The following PPFIBP1 variants were observed in gnomAD, a reference collection of about 807,000 sequenced individuals.
PPFIBP1 encodes the protein PPFIB scaffold protein 1, also known as liprin-beta-1.
Under a neutral mutation model 137.8 loss-of-function variants are expected in PPFIBP1, and 112 were observed. The ratio of observed to expected loss-of-function variants is 0.81; its 90% CI spans 0.70 to 0.95. The LOEUF (loss-of-function observed/expected upper bound fraction) is 0.95. Ranked by LOEUF, PPFIBP1 falls within the 40% of genes least tolerant of loss-of-function variation. PPFIBP1 has a pLI of 0.00. For missense variants in PPFIBP1, 1,083 were observed against 1,196.6 expected, an observed-to-expected ratio of 0.91 and a Z score of 1.40; for synonymous variants, 378 against 417.3, an observed-to-expected ratio of 0.91 and a Z score of 1.15.
At chr12:27,558,212 A>G (rs1317206852) in intron 1 of PPFIBP1, among the ~76,000 whole-genome samples, 7 of 151,326 alleles carry the variant, frequency 4.6e-5, no homozygotes, top group Admixed American at 3.3e-4. Flanking sequence ...ATGCTCACAT[A>G]TTCTCTTTCT....
chr12:27,611,840 G>A (rs1326977056), intron 2 of PPFIBP1, among the ~76,000 whole-genome samples: 1 of 150,716 alleles, frequency 6.6e-6, no homozygotes, highest in African/African-American at 2.4e-5. Context: ...GAGTCATTAG[G>A]CCAAAAAATG....
chr12:27,613,775 C>T (rs1414613608), intron 2 of PPFIBP1, among the ~76,000 whole-genome samples: 1 of 151,868 alleles, frequency 6.6e-6, no homozygotes, highest in Non-Finnish European at 1.5e-5. Context: ...TTCAGTAGTT[C>T]TTTGGCCCTT....
chr12:27,559,760 T>C (rs1012667612), intron 1 of PPFIBP1, among the ~76,000 whole-genome samples: 3 of 152,164 alleles, frequency 2.0e-5, no homozygotes, highest in Non-Finnish European at 4.4e-5. Flanking sequence ...GCTCCTCTCC[T>C]TCCAGACACA....
chr12:27,649,195 A>C (rs565336089), intron 6 of PPFIBP1, among the ~76,000 whole-genome samples: 5 of 152,316 alleles, frequency 3.3e-5, no homozygotes, highest in East Asian at 3.9e-4. Flanking sequence ...TGGAGTATGC[A>C]CTTGAGCAAA....
At chr12:27,589,497 A>G (rs1478987195) in intron 2 of PPFIBP1, among the ~76,000 whole-genome samples, 5 of 152,198 alleles carry the variant, frequency 3.3e-5, no homozygotes, top group Non-Finnish European at 5.9e-5. Context: ...TCCTATTTTA[A>G]AATACTTCGT....
chr12:27,583,593 G>A (rs2051370575), intron 2 of PPFIBP1, among the ~76,000 whole-genome samples: 1 of 152,172 alleles, frequency 6.6e-6, no homozygotes, highest in African/African-American at 2.4e-5. Context: ...GGCCTGCTGT[G>A]TGGTTGGGAT....
At chr12:27,540,429 C>T (rs1185843534) in intron 1 of PPFIBP1, among the ~76,000 whole-genome samples, 1 of 150,184 alleles carries the variant, frequency 6.7e-6, no homozygotes, top group East Asian at 2.0e-4. Flanking sequence ...TCATCAGCAT[C>T]AGTGATTCTT....
chr12:27,566,594 G>A (rs185025814), intron 1 of PPFIBP1, among the ~76,000 whole-genome samples: 4 of 152,258 alleles, frequency 2.6e-5, no homozygotes, highest in East Asian at 1.9e-4. Flanking sequence ...TTTTAATTAC[G>A]GATAACAACT....
chr12:27,630,543 T>TA (rs1193693419), intron 2 of PPFIBP1, among the ~76,000 whole-genome samples: 1 of 152,172 alleles, frequency 6.6e-6, no homozygotes, highest in Non-Finnish European at 1.5e-5. Context: ...AATTAGGACT[T>TA]AAAAAACTAA....
chr12:27,558,256 G>GTTTTTTT (rs11434356), intron 1 of PPFIBP1, among the ~76,000 whole-genome samples: 3 of 139,330 alleles, frequency 2.2e-5, no homozygotes, highest in African/African-American at 8.2e-5. Context: ...GACCTTCTGG[G>GTTTTTTT]TTTTTTTTTT....
chr12:27,599,392 A>C (rs184073227), intron 2 of PPFIBP1: 23 of 452,170 alleles, frequency 5.1e-5, no homozygotes, highest in African/African-American at 4.6e-4. Context: ...TCAAGCCTTC[A>C]GACTCAGACT....
At chr12:27,638,953 T>G (rs1210522877) in intron 4 of PPFIBP1, among the ~76,000 whole-genome samples, 1 of 152,208 alleles carries the variant, frequency 6.6e-6, no homozygotes, top group Non-Finnish European at 1.5e-5. Flanking sequence ...TTAGTGCAAC[T>G]GGGCATTTGC....
intron 12 of PPFIBP1, among the ~76,000 whole-genome samples, chr12:27,665,315 A>C (rs1218365097): frequency 6.6e-6 from 1 of 152,138 alleles, no homozygotes; most frequent in Non-Finnish European, 1.5e-5. Flanking sequence ...GTAGTTGCTG[A>C]TTGGGAATAT....
intron 27 of PPFIBP1, among the ~76,000 whole-genome samples, chr12:27,690,163 C>A (rs988533766): frequency 1.6e-4 from 24 of 149,974 alleles, no homozygotes; most frequent in African/African-American, 5.7e-4. Context: ...TACACAGGTC[C>A]ACTCCTACTC....
chr12:27,682,018 A>G (rs1255278744), intron 22 of PPFIBP1, among the ~76,000 whole-genome samples: 1 of 114,012 alleles, frequency 8.8e-6, no homozygotes, highest in Non-Finnish European at 1.8e-5. Context: ...ATATGCAATT[A>G]ACTTCACTTT....
rs370271021 is a variant in PPFIBP1 at position 27,535,632 on chromosome 12, C to T, written c.-124+11267C>T. 2.0e-4 allele frequency among the ~76,000 whole-genome samples: 31 copies of T among 152,254 alleles called. 1 individual carries two copies. The highest frequency in any genetic ancestry group is 3.9e-4 in the African/African-American group (16 of 41,540). Reference sequence around the variant, plus strand: ...CAGGCTGGTCTTGAAATCCTGGACTCGAGCAATCCTCTTGCCTTGGCTTCC... The same window carrying T: ...CAGGCTGGTCTTGAAATCCTGGACTTGAGCAATCCTCTTGCCTTGGCTTCC... On this transcript the variant is annotated intron_variant, in intron 1 of 29. Transcript: ENST00000228425.
chr12:27,552,292 A>C (rs1329490825), intron 1 of PPFIBP1, among the ~76,000 whole-genome samples: 1 of 152,182 alleles, frequency 6.6e-6, no homozygotes, highest in African/African-American at 2.4e-5. Context: ...GGAATAGAGA[A>C]ATTTATTGTT....
At chr12:27,684,659 T>G (rs981397305) in intron 24 of PPFIBP1, among the ~76,000 whole-genome samples, 6 of 152,184 alleles carry the variant, frequency 3.9e-5, no homozygotes, top group Non-Finnish European at 8.8e-5. Flanking sequence ...TGTTGCACAT[T>G]TGCTATGTGT....
At chr12:27,621,407 C>A (rs2056333002) in intron 2 of PPFIBP1, among the ~76,000 whole-genome samples, 2 of 152,334 alleles carry the variant, frequency 1.3e-5, no homozygotes, top group East Asian at 3.9e-4. Context: ...TCACTCAGAA[C>A]TGAAATATGA....
Sources: gnomAD v4.1 joint callset for allele counts (sites outside exome capture counted in the v4.1 genomes callset) on GRCh38, gnomAD v4.1.1 for gene constraint, MANE v1.5 for transcripts, NCBI Gene and HGNC (gene_info 2026-07-23, HGNC 2026-07-21) for gene names.